The following LSS variants were observed in gnomAD, a reference collection of about 807,000 sequenced individuals.
LSS encodes the protein 2,3-epoxysqualene-lanosterol cyclase.
LSS carries 90 observed loss-of-function variants against 110.3 expected under a neutral mutation model. The ratio of observed to expected loss-of-function variants is 0.82; its 90% CI spans 0.69 to 0.97. The LOEUF (loss-of-function observed/expected upper bound fraction) is 0.97. Ranked by LOEUF, LSS falls within the 50% of genes least tolerant of loss-of-function variation. The pLI is 0.00. For synonymous variants in LSS, 433 were observed against 400.0 expected, an observed-to-expected ratio of 1.08 and a Z score of -0.98; for missense variants, 927 against 990.0, an observed-to-expected ratio of 0.94 and a Z score of 0.85.
At position 46,214,515 on chromosome 21, in the gene LSS, G is replaced by C. The variant is rs562623123; in HGVS notation, c.1011+665C>G. 1.8e-3 allele frequency among the ~76,000 whole-genome samples: 272 copies of C among 152,362 alleles called. 2 individuals carry two copies. Among genetic ancestry groups the C allele is most frequent in the African/African-American group, 6.3e-3 (263 of 41,586 alleles). On this transcript the variant is annotated intron_variant, in intron 9 of 21. Coordinates refer to ENST00000397728, the MANE Select transcript of LSS (RefSeq NM_002340.6). ...TGTCAGGGTGGGACTCAGTGGCCCA[G>C]TGCCACCTGGGTATGTCCAGAGAAT...
At chr21:46,199,788 C>T (rs188047674) in intron 17 of LSS, among the ~76,000 whole-genome samples, 1 of 152,246 alleles carries the variant, frequency 6.6e-6, no homozygotes, top group East Asian at 1.9e-4. Context: ...TCAGTGTTTG[C>T]TACTAAGGGG....
At position 46,227,639 on chromosome 21, in the gene LSS, G is replaced by C. The variant is rs748127679; in HGVS notation, c.232C>G (p.Leu78Val). ...CCCACGTAAAATGTCATCCCGTTCA[G>C]AGCCCCCTCAAAGGCGGTGTGGGCT... ...PKAHTAFEGA[L>V]NGMTFYVGLQ... Residue 78 changes from leucine (L) to valine (V), a missense_variant, in exon 3 of 22, where the codon CTG becomes GTG. Transcript: ENST00000397728. 38 of 1,613,596 alleles carry C rather than the reference G, an allele frequency of 2.4e-5. No homozygotes were observed. Among genetic ancestry groups the C allele is most frequent in the Non-Finnish European group, 3.1e-5 (36 of 1,179,984 alleles).
intron 13 of LSS, 99 bp from the exon 14 acceptor site, chr21:46,208,400 G>A: frequency 9.2e-7 from 1 of 1,081,868 alleles, no homozygotes; most frequent in Admixed American, 2.0e-5. Context: ...GGACTGGAGA[G>A]GCAGAACGTG....
At chr21:46,200,824 T>C (rs567654212) in intron 17 of LSS, among the ~76,000 whole-genome samples, 5 of 152,370 alleles carry the variant, frequency 3.3e-5, no homozygotes, top group African/African-American at 4.8e-5. Context: ...AAGGACATTA[T>C]TGGAACAATT....
At chr21:46,214,731 G>A (rs1379099915) in intron 9 of LSS, among the ~76,000 whole-genome samples, 1 of 152,198 alleles carries the variant, frequency 6.6e-6, no homozygotes, top group Non-Finnish European at 1.5e-5. Flanking sequence ...AGAGCTCCAA[G>A]TCCCTAGCTA....
In LSS at chr21:46,192,773, T is replaced by C. The variant is rs563948062; in HGVS notation, c.1989-814A>G. The stretch of plus-strand genomic sequence containing the variant: ...CTGCATGTGTGTACACAGGTGCCTG[T>C]GCATGTGTACATGTGTGCATAGACC... On this transcript the variant is annotated intron_variant, in intron 20 of 21. Coordinates refer to ENST00000397728, the MANE Select transcript of LSS (RefSeq NM_002340.6). 14 of 446,146 alleles carry C rather than the reference T, an allele frequency of 3.1e-5. No homozygotes were observed. In the East Asian group the frequency reaches 9.9e-4, roughly 32 times the overall value. The allele number at this position is 446,146 out of a possible 1,614,324, so 27.6% of individuals were successfully genotyped here. A position where few individuals can be genotyped will look rare whatever the true frequency, so the allele number is the denominator to read the frequency against.
In LSS at chr21:46,220,957, T is replaced by TTGGGGCTTGGAGAGGTGGACAGCC. The variant is rs1367534899; in HGVS notation, c.550+873_550+896dup. ...GGCCAGGGCTTGGAGAGGTAGACAG[T>TTGGGGCTTGGAGAGGTGGACAGCC]TGGGGCTTGGAGAGGTGGACAGCCT... On this transcript the variant is annotated intron_variant, in intron 5 of 21. Coordinates refer to ENST00000397728, the MANE Select transcript of LSS (RefSeq NM_002340.6). 3.9e-5 allele frequency among the ~76,000 whole-genome samples: 5 copies of TTGGGGCTTGGAGAGGTGGACAGCC among 129,304 alleles called. No individual in the cohort carries two copies. The East Asian group carries it at 9.8e-4, about 25-fold the overall frequency. 84.8% of individuals were successfully genotyped at this position (129,304 alleles called of 152,430 possible).
intron 17 of LSS, among the ~76,000 whole-genome samples, chr21:46,201,134 G>T (rs1044562784): frequency 4.6e-4 from 64 of 139,242 alleles, no homozygotes; most frequent in Non-Finnish European, 7.7e-4. Context: ...TGGGAGGAAG[G>T]GTCATGAAGC....
At chr21:46,202,250 C>T (rs1348070910) in intron 17 of LSS, among the ~76,000 whole-genome samples, 105 of 143,718 alleles carry the variant, frequency 7.3e-4, no homozygotes, top group African/African-American at 2.3e-3. Flanking sequence ...AAAAATTAGC[C>T]GGGCGTAGTG....
chr21:46,194,619 C>T lies in LSS; in HGVS notation c.1860G>A (p.Leu620=). ...AGCCTCCGTCTGCCATCTGCCGGGA[C>T]AGCAGGAAGTCACAGGCCCGGGAGA... The part of the protein sequence containing the change: ...AEVSRACDFL[L]SRQMADGGWG... Residue 620 remains leucine, a synonymous_variant, in exon 20 of 22, where the codon CTG becomes CTA. Transcript: ENST00000397728. The T allele has an allele frequency of 1.2e-6, 2 of 1,613,732 alleles. No individual in the cohort carries two copies. The highest frequency in any genetic ancestry group is 1.1e-5 in the South Asian group (1 of 91,092).
chr21:46,212,657 G>T (rs2080148490), intron 11 of LSS, among the ~76,000 whole-genome samples: 1 of 152,200 alleles, frequency 6.6e-6, no homozygotes, highest in Non-Finnish European at 1.5e-5. Flanking sequence ...GGACCTTTAA[G>T]AAGAAGCCCC....
chr21:46,214,912 G>A (rs959431494), intron 9 of LSS, among the ~76,000 whole-genome samples: 3 of 152,132 alleles, frequency 2.0e-5, no homozygotes, highest in African/African-American at 7.2e-5. Flanking sequence ...GGGGCCTCTA[G>A]GAGAGTGTCC....
chr21:46,194,147 G>A (rs986207827), intron 20 of LSS, among the ~76,000 whole-genome samples: 2 of 152,156 alleles, frequency 1.3e-5, no homozygotes, highest in Admixed American at 6.5e-5. Flanking sequence ...TGCTGTGACC[G>A]TCATCACTAC....
chr21:46,197,724 C>T (rs1239294911), intron 17 of LSS, among the ~76,000 whole-genome samples: 1 of 152,008 alleles, frequency 6.6e-6, no homozygotes. Context: ...CCCGTCTCTA[C>T]TAAAAATACA....
chr21:46,199,984 G>A (rs2079959163), intron 17 of LSS, among the ~76,000 whole-genome samples: 1 of 152,226 alleles, frequency 6.6e-6, no homozygotes, highest in Non-Finnish European at 1.5e-5. Context: ...CCACTTGAAT[G>A]CAAGATGTTA....
At chr21:46,194,349 T>G in intron 20 of LSS, 142 bp downstream of exon 20, 3 of 965,924 alleles carry the variant, frequency 3.1e-6, no homozygotes, top group Non-Finnish European at 4.6e-6. Flanking sequence ...CTCTTGTAGG[T>G]GTCTGTTCCC....
intron 17 of LSS, among the ~76,000 whole-genome samples, chr21:46,203,386 G>C (rs1193944841): frequency 6.6e-6 from 1 of 152,206 alleles, no homozygotes; most frequent in Non-Finnish European, 1.5e-5. Flanking sequence ...AACCTCACCA[G>C]GCACAAAGTG....
chr21:46,216,301 T>C lies in LSS; in HGVS notation c.783+88A>G. 1 of 1,543,382 alleles carries C rather than the reference T, an allele frequency of 6.5e-7. No individual in the cohort carries two copies. The highest frequency in any genetic ancestry group is 8.9e-7 in the Non-Finnish European group (1 of 1,123,338). ...CCGCTCCACAGGGCCACCAGGTGAG[T>C]GGACAGGTGTGGTTAGATTCCAGAA... On this transcript the variant is annotated intron_variant, in intron 7 of 21. Coordinates refer to ENST00000397728, the MANE Select transcript of LSS (RefSeq NM_002340.6). This position sits in a 1 kb window ranked among gnomAD's most constrained non-coding sequence, Gnocchi z 4.2.
chr21:46,213,223 CCACACTCTATGGAAAACAGGA>C (rs981333029), intron 10 of LSS, among the ~76,000 whole-genome samples, 171 bp from the exon 11 acceptor site: 1 of 152,164 alleles, frequency 6.6e-6, no homozygotes, highest in Non-Finnish European at 1.5e-5. Flanking sequence ...GGGGTGAGGG[CCACACTCTATGGAAAACAGGA>C]CACACTCACC....
Sources: gnomAD v4.1 joint callset for allele counts (sites outside exome capture counted in the v4.1 genomes callset) on GRCh38, gnomAD v4.1.1 for gene constraint, Gnocchi (gnomAD v3.1) non-coding constraint, MANE v1.5 for transcripts, NCBI Gene and HGNC (gene_info 2026-07-23, HGNC 2026-07-21) for gene names.